The following MAN1A2 variants were observed in gnomAD, a reference collection of about 807,000 sequenced individuals.
The protein encoded by MAN1A2 is mannosidase alpha class 1A member 2, also known as mannosyl-oligosaccharide 1,2-alpha-mannosidase IB.
MAN1A2 carries 26 observed loss-of-function variants against 75.7 expected under a neutral mutation model. The observed-to-expected ratio is 0.34, with a 90% CI of 0.25 to 0.48. The LOEUF (loss-of-function observed/expected upper bound fraction) is 0.48. Among genes scored for constraint, MAN1A2 ranks in the 20% least tolerant of loss-of-function variants. The pLI is 0.99. For synonymous variants in MAN1A2, 247 were observed against 264.6 expected, an observed-to-expected ratio of 0.93 and a Z score of 0.65; for missense variants, 562 against 775.5, an observed-to-expected ratio of 0.72 and a Z score of 3.27.
At chr1:117,490,238 C>G (rs1396903656) in intron 8 of MAN1A2, among the ~76,000 whole-genome samples, 1 of 151,940 alleles carries the variant, frequency 6.6e-6, no homozygotes, top group African/African-American at 2.4e-5. Flanking sequence ...TGTGATTACC[C>G]TGTGCTGAGC....
intron 5 of MAN1A2, among the ~76,000 whole-genome samples, chr1:117,421,056 C>A (rs1311182099): frequency 6.6e-6 from 1 of 152,016 alleles, no homozygotes; most frequent in East Asian, 1.9e-4. Flanking sequence ...GAAATTGAAT[C>A]CAGTTTTTGG....
intron 1 of MAN1A2, among the ~76,000 whole-genome samples, chr1:117,400,500 T>C (rs1439561061): frequency 6.6e-6 from 1 of 151,916 alleles, no homozygotes; most frequent in African/African-American, 2.4e-5. Flanking sequence ...GTGTTATTCC[T>C]TTATAGTTAG....
intron 12 of MAN1A2, among the ~76,000 whole-genome samples, chr1:117,509,758 T>C (rs1473137825): frequency 1.3e-5 from 2 of 151,148 alleles, no homozygotes; most frequent in African/African-American, 2.4e-5. Context: ...TTTTGAATTA[T>C]AAAAATAGCA....
chr1:117,466,702 T>A lies in MAN1A2; in HGVS notation c.1168+275T>A, dbSNP rs572078124. Among the ~76,000 whole-genome samples the A allele has an allele frequency of 9.2e-5, 14 of 152,274 alleles. No homozygotes were observed. The South Asian group carries it at 1.0e-3, about 11-fold the overall frequency. Reference sequence around the variant, plus strand: ...CAGTTTGAAGGTTGTACTTAAAAACTCTTATTAATAAATTATATCTTCATG... The same window carrying A: ...CAGTTTGAAGGTTGTACTTAAAAACACTTATTAATAAATTATATCTTCATG... On this transcript the variant is annotated intron_variant, in intron 8 of 12. Transcript: ENST00000356554.
chr1:117,367,964 C>T lies in MAN1A2; in HGVS notation c.-220C>T, dbSNP rs1570685058. 3.7e-6 allele frequency: 2 copies of T among 544,750 alleles called. No individual in the cohort carries two copies. The highest frequency in any genetic ancestry group is 6.5e-6 in the Non-Finnish European group (2 of 308,142). 33.7% of individuals were successfully genotyped at this position (544,750 alleles called of 1,614,324 possible). A position where few individuals can be genotyped will look rare whatever the true frequency, so the allele number is the denominator to read the frequency against. On this transcript the variant is annotated 5_prime_UTR_variant, in exon 1 of 13. It introduces an in-frame stop codon into an upstream open reading frame of the 5' UTR. Transcript: ENST00000356554. ...AGTACAGATGTTGAAGAGGATATCG[C>T]AGGACCTAAACTTGTGATCGTTTGG...
At chr1:117,450,473 T>C (rs796906634) in intron 6 of MAN1A2, among the ~76,000 whole-genome samples, 2 of 152,114 alleles carry the variant, frequency 1.3e-5, no homozygotes, top group South Asian at 4.1e-4. Context: ...TGAGGAGAAA[T>C]TCAAGCCTGC....
chr1:117,428,485 C>T lies in MAN1A2; in HGVS notation c.855+7836C>T, dbSNP rs10923290. On this transcript the variant is annotated intron_variant, in intron 5 of 12. Transcript: ENST00000356554. ...CAACAACAAAAAGCAATGGAAATGG[C>T]GAACAGAAAACCAAAAATAATATCA... 3.9e-3 allele frequency among the ~76,000 whole-genome samples: 588 copies of T among 151,934 alleles called. 7 individuals are homozygous for T. The highest frequency in any genetic ancestry group is 0.013 in the African/African-American group (557 of 41,444).
intron 1 of MAN1A2, among the ~76,000 whole-genome samples, chr1:117,373,329 A>G (rs191078336): frequency 2.6e-5 from 4 of 151,918 alleles, no homozygotes; most frequent in African/African-American, 9.7e-5. Context: ...TGTTTTATGC[A>G]CTAATATTAA....
At chr1:117,455,389 T>A (rs868547960) in intron 6 of MAN1A2, among the ~76,000 whole-genome samples, 3 of 152,204 alleles carry the variant, frequency 2.0e-5, no homozygotes, top group African/African-American at 7.2e-5. Flanking sequence ...TAAGGACATG[T>A]TTTGGAAGGA....
intron 1 of MAN1A2, among the ~76,000 whole-genome samples, chr1:117,393,007 T>C (rs1294495030): frequency 6.6e-6 from 1 of 152,234 alleles, no homozygotes; most frequent in Non-Finnish European, 1.5e-5. Context: ...CGTGTTATTT[T>C]AGGAAAGGGA....
At chr1:117,454,307 A>G (rs1427759638) in intron 6 of MAN1A2, among the ~76,000 whole-genome samples, 2 of 152,186 alleles carry the variant, frequency 1.3e-5, no homozygotes, top group Admixed American at 1.3e-4. Flanking sequence ...ATTTGATGGA[A>G]CCCAGCAGGA....
Position 117,458,549 on chromosome 1 carries a change from G to A in MAN1A2, c.951-1940G>A, listed in dbSNP as rs191558274. 5.2e-3 allele frequency among the ~76,000 whole-genome samples: 531 copies of A among 103,104 alleles called. 3 individuals are homozygous for A. The highest frequency in any genetic ancestry group is 0.019 in the African/African-American group (508 of 27,264). 67.6% of individuals were successfully genotyped at this position (103,104 alleles called of 152,430 possible). A position where few individuals can be genotyped will look rare whatever the true frequency, so the allele number is the denominator to read the frequency against. On this transcript the variant is annotated intron_variant, in intron 6 of 12. Transcript: ENST00000356554. ...TTTTTTTTTTTTTTTTTGAGACAGA[G>A]TTTCGCTCTTGTTGCCCAAACTAGA...
At chr1:117,429,537 C>A (rs867897019) in intron 5 of MAN1A2, among the ~76,000 whole-genome samples, 3,249 of 40,256 alleles carry the variant, frequency 0.081, 428 homozygotes, top group East Asian at 0.2. Context: ...GGGGGCCGAC[C>A]CCCCCACCTC....
chr1:117,512,790 AACAC>A (rs999438808), intron 12 of MAN1A2, among the ~76,000 whole-genome samples: 2 of 91,888 alleles, frequency 2.2e-5, no homozygotes, highest in African/African-American at 4.3e-5. Context: ...CACACGTAGG[AACAC>A]ACAAAGTGAA....
chr1:117,458,523 A>C (rs1473252076), intron 6 of MAN1A2, among the ~76,000 whole-genome samples: 1 of 105,608 alleles, frequency 9.5e-6, no homozygotes, highest in African/African-American at 3.5e-5. Context: ...ATATATATAT[A>C]TTTTTTTTTT....
intron 5 of MAN1A2, among the ~76,000 whole-genome samples, chr1:117,433,713 C>G (rs1275321371): frequency 6.6e-6 from 1 of 152,122 alleles, no homozygotes; most frequent in Admixed American, 6.5e-5. Flanking sequence ...AATACTGATT[C>G]ATTGTAGTCA....
intron 1 of MAN1A2, 105 bp from the exon 2 acceptor site, chr1:117,402,081 A>G: frequency 1.7e-6 from 2 of 1,190,168 alleles, no homozygotes; most frequent in Non-Finnish European, 2.3e-6. Context: ...CAAAAGTAGA[A>G]AACAAGTTCC....
At chr1:117,389,371 A>T (rs1451561682) in intron 1 of MAN1A2, among the ~76,000 whole-genome samples, 1 of 152,160 alleles carries the variant, frequency 6.6e-6, no homozygotes, top group Non-Finnish European at 1.5e-5. Context: ...GATCACCATA[A>T]GGAGTGTGCA....
chr1:117,502,267 C>T (rs1389244002), intron 11 of MAN1A2, among the ~76,000 whole-genome samples: 1 of 151,668 alleles, frequency 6.6e-6, no homozygotes, highest in African/African-American at 2.4e-5. Context: ...TAATTGTTAA[C>T]TCTTTATATT....
Sources: allele counts gnomAD v4.1 joint callset (sites outside exome capture counted in the v4.1 genomes callset), GRCh38; gene constraint gnomAD v4.1.1; transcripts MANE v1.5; gene names NCBI Gene and HGNC (gene_info 2026-07-23, HGNC 2026-07-21).